The following XKR6 variants were observed in gnomAD, a reference collection of about 807,000 sequenced individuals.
XKR6 encodes the protein XK related 6.
A neutral mutation model predicts 56.7 loss-of-function variants in XKR6; 22 were observed. The ratio of observed to expected loss-of-function variants is 0.39; its 90% CI spans 0.28 to 0.55. The LOEUF (loss-of-function observed/expected upper bound fraction) is 0.55, where lower values mean the gene tolerates loss of function less well. Ranked by LOEUF, XKR6 falls within the 20% of genes least tolerant of loss-of-function variation. The pLI is 0.66. For synonymous variants in XKR6, 524 were observed against 387.8 expected, an observed-to-expected ratio of 1.35 and a Z score of -4.13; for missense variants, 852 against 889.0, an observed-to-expected ratio of 0.96 and a Z score of 0.53.
chr8:11,002,371 G>A (rs73662671), intron 1 of XKR6: 2 of 313,812 alleles, frequency 6.4e-6, no homozygotes, highest in East Asian at 2.4e-4. Context: ...GCAGGGGAAG[G>A]CTCAGCCAGC....
In XKR6 at chr8:10,931,403, T is replaced by A. The variant is rs541271643; in HGVS notation, c.765-6573A>T. On this transcript the variant is annotated intron_variant, in intron 1 of 2. Transcript: ENST00000416569. ...GTTCCAATAAAAACCCAAGTGGAAT[T>A]TTTTTTTAAATACAGACAAGCCAAT... Among the ~76,000 whole-genome samples the A allele has an allele frequency of 7.8e-4, 118 of 152,070 alleles. 1 individual carries two copies. The South Asian group carries it at 0.022, about 28-fold the overall frequency.
intron 1 of XKR6, among the ~76,000 whole-genome samples, chr8:11,010,990 C>G (rs1798487571): frequency 6.6e-6 from 1 of 152,198 alleles, no homozygotes; most frequent in Non-Finnish European, 1.5e-5. Context: ...GCTGAGCACA[C>G]TGTATACATT....
At chr8:10,983,342 C>T (rs981415184) in intron 1 of XKR6, among the ~76,000 whole-genome samples, 2 of 152,040 alleles carry the variant, frequency 1.3e-5, no homozygotes, top group African/African-American at 4.8e-5. Flanking sequence ...GGGAAACAAC[C>T]ACAGACTGTG....
chr8:11,115,988 T>C (rs1360728038), intron 1 of XKR6, among the ~76,000 whole-genome samples: 1 of 152,236 alleles, frequency 6.6e-6, no homozygotes. Flanking sequence ...CTGCAGTTTA[T>C]GCTTAAATAC....
chr8:11,170,835 T>C (rs1168077554), intron 1 of XKR6, among the ~76,000 whole-genome samples: 1 of 152,232 alleles, frequency 6.6e-6, no homozygotes, highest in Non-Finnish European at 1.5e-5. Flanking sequence ...AAAATTCTCC[T>C]TTGCTTTTTA....
At chr8:11,054,761 G>T (rs1195812357) in intron 1 of XKR6, among the ~76,000 whole-genome samples, 1 of 152,198 alleles carries the variant, frequency 6.6e-6, no homozygotes, top group Non-Finnish European at 1.5e-5. Context: ...GATATTGCTG[G>T]TGTGGGTGAG....
At chr8:11,023,007 C>T (rs7822400) in intron 1 of XKR6, among the ~76,000 whole-genome samples, 21,738 of 152,084 alleles carry the variant, frequency 0.14, 1,775 homozygotes, top group Middle Eastern at 0.2. Flanking sequence ...GCGGTGTCAG[C>T]GCTCCAAGGT....
chr8:10,955,142 T>G (rs185157381), intron 1 of XKR6, among the ~76,000 whole-genome samples: 8 of 152,208 alleles, frequency 5.3e-5, no homozygotes, highest in Admixed American at 5.2e-4. Context: ...GTGCTGGGAT[T>G]ACAGGTGTGA....
At chr8:10,916,740 T>C (rs2129113781) in intron 2 of XKR6, among the ~76,000 whole-genome samples, 1 of 152,290 alleles carries the variant, frequency 6.6e-6, no homozygotes, top group East Asian at 1.9e-4. Flanking sequence ...GCTTGCCGGG[T>C]TGCAGCCAAA....
chr8:11,044,161 T>C (rs1799351955), intron 1 of XKR6, among the ~76,000 whole-genome samples: 1 of 152,212 alleles, frequency 6.6e-6, no homozygotes. Flanking sequence ...TTCTGGCTGG[T>C]TTACAGAGGC....
At chr8:10,988,840 G>T (rs1167307405) in intron 1 of XKR6, among the ~76,000 whole-genome samples, 1 of 152,202 alleles carries the variant, frequency 6.6e-6, no homozygotes, top group Admixed American at 6.5e-5. Context: ...TCTATCAGAG[G>T]CCTGCTGCGG....
intron 1 of XKR6, among the ~76,000 whole-genome samples, chr8:10,984,730 C>CTA (rs1292575640): frequency 0.012 from 747 of 63,610 alleles, 4 homozygotes; most frequent in Non-Finnish European, 0.018. Context: ...CTCTCTCTCT[C>CTA]TCTATATATA....
At chr8:11,141,850 C>G (rs1313751899) in intron 1 of XKR6, among the ~76,000 whole-genome samples, 1 of 152,056 alleles carries the variant, frequency 6.6e-6, no homozygotes, top group Non-Finnish European at 1.5e-5. Flanking sequence ...CAGTAATTAT[C>G]TTTGGTGGAG....
chr8:10,979,843 A>G (rs1341506999), intron 1 of XKR6, among the ~76,000 whole-genome samples: 4 of 152,158 alleles, frequency 2.6e-5, no homozygotes, highest in Non-Finnish European at 5.9e-5. Context: ...ACAGACTCCC[A>G]GGCTGAGGTC....
At chr8:11,012,197 C>G (rs1274603946) in intron 1 of XKR6, among the ~76,000 whole-genome samples, 1 of 152,194 alleles carries the variant, frequency 6.6e-6, no homozygotes, top group African/African-American at 2.4e-5. Flanking sequence ...GGACCCCACC[C>G]CACTCCCCAG....
intron 1 of XKR6, among the ~76,000 whole-genome samples, chr8:11,059,335 A>G (rs991269833): frequency 6.6e-6 from 1 of 152,210 alleles, no homozygotes; most frequent in Non-Finnish European, 1.5e-5. Flanking sequence ...AAAAGGTATG[A>G]GCGCCCCGGA....
intron 1 of XKR6, among the ~76,000 whole-genome samples, chr8:11,016,880 C>T (rs948932347): frequency 3.3e-5 from 5 of 152,240 alleles, no homozygotes; most frequent in Non-Finnish European, 5.9e-5. Flanking sequence ...TCCTCGGAGA[C>T]CCTCCACCAC....
chr8:11,143,830 A>C (rs1800835214), intron 1 of XKR6, among the ~76,000 whole-genome samples: 1 of 152,180 alleles, frequency 6.6e-6, no homozygotes, highest in African/African-American at 2.4e-5. Context: ...AATACTGCAG[A>C]CTGGGTGACT....
rs535456620 is a variant in XKR6, at chr8:11,110,842, C to CT, written c.764+89733dup. On this transcript the variant is annotated intron_variant, in intron 1 of 2. Transcript: ENST00000416569. ...GGTACATGGAATACACTCAACTTTC[C>CT]TTTTTTTTTTTTGAGGCGGAGTCTT... is the stretch of plus-strand genomic sequence containing the variant. 7.6e-3 allele frequency among the ~76,000 whole-genome samples: 1,099 copies of CT among 144,666 alleles called. 10 individuals carry two copies. Among genetic ancestry groups the CT allele is most frequent in the African/African-American group, 0.021 (851 of 39,852 alleles). 94.9% of individuals were successfully genotyped at this position (144,666 alleles called of 152,430 possible).
Sources: allele counts gnomAD v4.1 joint callset (sites outside exome capture counted in the v4.1 genomes callset), GRCh38; gene constraint gnomAD v4.1.1; transcripts MANE v1.5; gene names NCBI Gene and HGNC (gene_info 2026-07-23, HGNC 2026-07-21).